MARS1: variants seen among roughly 807,000 people sequenced by gnomAD.
MARS1 encodes the protein methionyl-tRNA synthetase 1, also known as methionine--tRNA ligase, cytoplasmic.
MARS1 carries 80 observed loss-of-function variants against 119.5 expected under a neutral mutation model. That is an observed-to-expected ratio of 0.67 (90% CI 0.56 to 0.81). The LOEUF is 0.81. Among genes scored for constraint, MARS1 ranks in the 30% least tolerant of loss-of-function variants. The pLI is 0.00. For synonymous variants in MARS1, 418 were observed against 433.4 expected (o/e 0.96, Z 0.44); for missense variants, 945 against 1,116.5 (o/e 0.85, Z 2.19).
chr12:57,516,109 C>T (rs775951614), intron 19 of MARS1, 118 bp downstream of exon 19: 4 of 1,380,966 alleles, frequency 2.9e-6, no homozygotes, highest in Non-Finnish European at 4.1e-6. Flanking sequence ...CGCTTCCTCA[C>T]TTACAGTTTT....
At chr12:57,495,120 C>T (rs1246500125) in intron 7 of MARS1, among the ~76,000 whole-genome samples, 6 of 148,184 alleles carry the variant, frequency 4.0e-5, no homozygotes, top group Non-Finnish European at 8.9e-5. Context: ...GGCTGGGTGG[C>T]GGCCAGGCGG....
At chr12:57,489,206 A>C (rs894235422) in intron 2 of MARS1, 61 bp from the exon 3 acceptor site, 40 of 1,602,276 alleles carry the variant, frequency 2.5e-5, no homozygotes, top group Middle Eastern at 3.4e-4. Flanking sequence ...TCCCTGTGTG[A>C]TGAGAAATGG....
intron 11 of MARS1, among the ~76,000 whole-genome samples, chr12:57,510,156 C>T (rs947434128): frequency 1.3e-5 from 2 of 151,968 alleles, no homozygotes; most frequent in Non-Finnish European, 2.9e-5. Context: ...GGACTACAGG[C>T]GTGTACTATC....
chr12:57,495,249 G>T (rs1230817318), intron 7 of MARS1, among the ~76,000 whole-genome samples: 7 of 151,048 alleles, frequency 4.6e-5, no homozygotes, highest in Non-Finnish European at 1.0e-4. Flanking sequence ...CGGGGCGGCT[G>T]GCGGGGCGGG....
intron 11 of MARS1, among the ~76,000 whole-genome samples, chr12:57,511,337 G>A (rs1473309260): frequency 9.2e-5 from 14 of 151,874 alleles, no homozygotes; most frequent in South Asian, 4.2e-4. Context: ...TAGTCTCAGC[G>A]CTTTTGGAGG....
chr12:57,493,792 T>TA (rs1203440684), intron 7 of MARS1, among the ~76,000 whole-genome samples: 51 of 1,730 alleles, frequency 0.029, no homozygotes, highest in Non-Finnish European at 0.048. Flanking sequence ...TTATATATTA[T>TA]ATATTATATT....
chr12:57,513,720 A>G (rs1877634505), intron 15 of MARS1, among the ~76,000 whole-genome samples: 1 of 152,032 alleles, frequency 6.6e-6, no homozygotes, highest in African/African-American at 2.4e-5. Context: ...CTCTTCTGCA[A>G]TCTAAAGCAG....
At chr12:57,492,609 T>G (rs1226538273) in intron 7 of MARS1, among the ~76,000 whole-genome samples, 1 of 151,538 alleles carries the variant, frequency 6.6e-6, no homozygotes, top group Non-Finnish European at 1.5e-5. Flanking sequence ...AGGCGGAGTT[T>G]GCAGTGAGCG....
rs774396381 is a variant in MARS1, at chr12:57,500,331, G to T, written c.1102G>T (p.Asp368Tyr). ...TTPQQTKITQ[D>Y]IFQQLLKRGF... ...GGCCCACCTCACCAGAATCACCCAG[G>T]ACATTTTCCAGCAGTTGCTGAAACG... Residue 368 changes from aspartate to tyrosine, a missense_variant, in exon 10 of 21, where the codon GAC becomes TAC. Coordinates refer to ENST00000262027, the MANE Select transcript of MARS1 (RefSeq NM_004990.4). 10 of 1,614,012 alleles carry T rather than the reference G, an allele frequency of 6.2e-6. No homozygotes were observed. Among genetic ancestry groups the T allele is most frequent in the African/African-American group, 1.3e-5 (1 of 74,936 alleles).
intron 5 of MARS1, 101 bp from the exon 6 acceptor site, chr12:57,490,106 G>A (rs1025926444): frequency 8.8e-6 from 13 of 1,479,392 alleles, no homozygotes; most frequent in Non-Finnish European, 1.2e-5. Context: ...GAGGGAACTG[G>A]GGAAAGCAAC....
chr12:57,500,287 CTG>C (rs766106070), intron 9 of MARS1, 32 bp from the exon 10 acceptor site: 2 of 1,592,148 alleles, frequency 1.3e-6, no homozygotes, highest in South Asian at 2.2e-5. Flanking sequence ...CGTCTTCTGA[CTG>C]TCTCTTCCTG....
Position 57,495,804 on chromosome 12 carries a change from GC to G in MARS1, c.771-2350del, listed in dbSNP as rs1263343377. On this transcript the variant is annotated intron_variant, in intron 7 of 20. Coordinates refer to ENST00000262027, the MANE Select transcript of MARS1 (RefSeq NM_004990.4). ...ACTCGCGGTCAGGAGCTGGAGACCA[GC>G]CCGGCCAACACGGCGAAACCCCGTC... 7.9e-5 allele frequency among the ~76,000 whole-genome samples: 12 copies of G among 152,344 alleles called. No individual in the cohort carries two copies. The South Asian group carries it at 2.5e-3, about 32-fold the overall frequency.
intron 7 of MARS1, among the ~76,000 whole-genome samples, chr12:57,492,060 A>G (rs1339064531): frequency 1.3e-5 from 2 of 149,584 alleles, no homozygotes; most frequent in South Asian, 2.1e-4. Context: ...TGGGTGGATC[A>G]TTTGAGTCAG....
At chr12:57,503,639 G>A (rs1877041211) in intron 10 of MARS1, among the ~76,000 whole-genome samples, 1 of 151,488 alleles carries the variant, frequency 6.6e-6, no homozygotes, top group Non-Finnish European at 1.5e-5. Context: ...CTGCCTCTCA[G>A]GTTCAAGCAA....
rs1245262105 is a variant in MARS1, at chr12:57,493,704, AATATATT to A, written c.770+3079_770+3085del. 6.8e-3 allele frequency among the ~76,000 whole-genome samples: 7 copies of A among 1,026 alleles called. 1 individual carries two copies. The highest frequency in any genetic ancestry group is 0.014 in the African/African-American group (7 of 488). 0.7% of individuals were successfully genotyped at this position (1,026 alleles called of 152,430 possible). ...ATATATAATATATATTATATATTAT[AATATATT>A]ATATATTATATATTATATTATATAA... On this transcript the variant is annotated intron_variant, in intron 7 of 20. Coordinates refer to ENST00000262027, the MANE Select transcript of MARS1 (RefSeq NM_004990.4).
At chr12:57,502,965 G>A (rs1877000792) in intron 10 of MARS1, among the ~76,000 whole-genome samples, 1 of 151,982 alleles carries the variant, frequency 6.6e-6, no homozygotes, top group South Asian at 2.1e-4. Context: ...GGTGGAGGTT[G>A]TAGTGAGCCA....
At position 57,511,691 on chromosome 12, in the gene MARS1, ATC is replaced by A; in HGVS notation, c.1369-4_1369-3del. On this transcript the variant is annotated splice_region_variant and splice_polypyrimidine_tract_variant and intron_variant, in intron 11 of 20. Coordinates refer to ENST00000262027, the MANE Select transcript of MARS1 (RefSeq NM_004990.4). ...CCTAAATCAGCCCTCTTTCTCCGTTATCTCAGCTGGAGAAGCGACTGGAGGAG... is the reference window on the plus strand; with the variant it reads ...CCTAAATCAGCCCTCTTTCTCCGTTATCAGCTGGAGAAGCGACTGGAGGAG... The A allele has an allele frequency of 6.2e-7, 1 of 1,614,024 alleles. No individual in the cohort carries two copies. Among genetic ancestry groups the A allele is most frequent in the Admixed American group, 1.7e-5 (1 of 60,028 alleles).
intron 11 of MARS1, among the ~76,000 whole-genome samples, chr12:57,506,559 T>G (rs966828229): frequency 6.6e-6 from 1 of 152,254 alleles, no homozygotes; most frequent in Non-Finnish European, 1.5e-5. Context: ...CAGAGCCACG[T>G]GATGGCCATC....
intron 7 of MARS1, among the ~76,000 whole-genome samples, chr12:57,493,644 ATAATATACAAT>A (rs1876273946): frequency 7.7e-5 from 1 of 13,054 alleles, no homozygotes; most frequent in African/African-American, 8.0e-4. Context: ...TAATTAATAT[ATAATATACAAT>A]ATATATTATA....
Sources: gnomAD v4.1 joint callset for allele counts (sites outside exome capture counted in the v4.1 genomes callset) on GRCh38, gnomAD v4.1.1 for gene constraint, MANE v1.5 for transcripts, NCBI Gene and HGNC (gene_info 2026-07-23, HGNC 2026-07-21) for gene names.